NKAIN2: variants seen among roughly 807,000 people sequenced by gnomAD.
NKAIN2 encodes the protein sodium/potassium transporting ATPase interacting 2.
Under a neutral mutation model 32.6 loss-of-function variants are expected in NKAIN2, and 14 were observed. The ratio of observed to expected loss-of-function variants is 0.43; its 90% CI spans 0.28 to 0.67. NKAIN2 has a LOEUF of 0.67. NKAIN2 is among the 30% of genes least tolerant of loss of function. NKAIN2 has a pLI of 0.17. For synonymous variants in NKAIN2, 80 were observed against 87.2 expected, an observed-to-expected ratio of 0.92 and a Z score of 0.46; for missense variants, 198 against 258.3, an observed-to-expected ratio of 0.77 and a Z score of 1.60.
intron 3 of NKAIN2, among the ~76,000 whole-genome samples, chr6:124,583,863 C>T (rs1781612087): frequency 6.6e-6 from 1 of 152,070 alleles, no homozygotes; most frequent in South Asian, 2.1e-4. Context: ...ATTCATTTTC[C>T]ATAAAGGTGC....
chr6:124,280,317 A>G (rs1795232881), intron 1 of NKAIN2, among the ~76,000 whole-genome samples: 1 of 152,198 alleles, frequency 6.6e-6, no homozygotes, highest in Admixed American at 6.5e-5. Flanking sequence ...GATCAGAGAG[A>G]TTCTATGAAG....
chr6:123,997,699 G>A (rs955938572), intron 1 of NKAIN2, among the ~76,000 whole-genome samples: 13 of 147,772 alleles, frequency 8.8e-5, no homozygotes, highest in Non-Finnish European at 1.8e-4. Context: ...CGCCTTCCAG[G>A]TTCACACCAT....
chr6:123,928,364 C>G (rs1374780270), intron 1 of NKAIN2, among the ~76,000 whole-genome samples: 1 of 151,960 alleles, frequency 6.6e-6, no homozygotes, highest in Non-Finnish European at 1.5e-5. Flanking sequence ...TACAATATAC[C>G]CATTTGGTAA....
intron 1 of NKAIN2, among the ~76,000 whole-genome samples, chr6:124,075,093 T>C (rs1783632928): frequency 6.6e-6 from 1 of 152,166 alleles, no homozygotes; most frequent in Non-Finnish European, 1.5e-5. Context: ...TTGGGTTAAA[T>C]TGAGGCATGT....
intron 4 of NKAIN2, among the ~76,000 whole-genome samples, chr6:124,729,682 C>A (rs1776551056): frequency 6.6e-6 from 1 of 150,580 alleles, no homozygotes; most frequent in Admixed American, 6.6e-5. Context: ...CACTCCTATT[C>A]AACATAGTGT....
At chr6:124,639,373 T>A (rs1783900494) in intron 3 of NKAIN2, among the ~76,000 whole-genome samples, 1 of 151,856 alleles carries the variant, frequency 6.6e-6, no homozygotes, top group Admixed American at 6.6e-5. Context: ...AGGCTGGGAG[T>A]GCGATGGCTC....
intron 1 of NKAIN2, among the ~76,000 whole-genome samples, chr6:123,839,184 A>C (rs964029769): frequency 6.6e-6 from 1 of 151,868 alleles, no homozygotes; most frequent in African/African-American, 2.4e-5. Context: ...AGAAGGAAAA[A>C]GGATCTCGAA....
intron 1 of NKAIN2, among the ~76,000 whole-genome samples, chr6:124,281,102 T>C (rs1582982578): frequency 6.6e-6 from 1 of 152,186 alleles, no homozygotes; most frequent in Non-Finnish European, 1.5e-5. Flanking sequence ...TTTATTGAGA[T>C]ATTTCCCACT....
intron 1 of NKAIN2, among the ~76,000 whole-genome samples, chr6:123,927,719 A>G (rs1776065931): frequency 6.6e-6 from 1 of 152,222 alleles, no homozygotes; most frequent in Non-Finnish European, 1.5e-5. Context: ...TAGTTCTGCT[A>G]TTCTTGGATA....
At chr6:124,600,430 C>A (rs548565330) in intron 3 of NKAIN2, among the ~76,000 whole-genome samples, 1 of 152,118 alleles carries the variant, frequency 6.6e-6, no homozygotes, top group South Asian at 2.1e-4. Context: ...TGATTTATAT[C>A]GTATGAAACA....
chr6:124,416,822 T>G (rs1410138231), intron 3 of NKAIN2, among the ~76,000 whole-genome samples: 1 of 152,060 alleles, frequency 6.6e-6, no homozygotes. Flanking sequence ...AGTAGAGATC[T>G]AGTGGGGAGC....
chr6:124,404,180 G>T (rs1035656510), intron 3 of NKAIN2, among the ~76,000 whole-genome samples: 3 of 152,082 alleles, frequency 2.0e-5, no homozygotes, highest in Non-Finnish European at 4.4e-5. Context: ...GCCTGGGGGT[G>T]CTGCAAGTTT....
chr6:124,670,475 A>G (rs755640845), intron 4 of NKAIN2, among the ~76,000 whole-genome samples: 1 of 152,146 alleles, frequency 6.6e-6, no homozygotes, highest in Non-Finnish European at 1.5e-5. Context: ...AAATCTTCAC[A>G]TACAAATTAT....
chr6:123,811,921 A>AT (rs201243689), intron 1 of NKAIN2, among the ~76,000 whole-genome samples: 1 of 144,680 alleles, frequency 6.9e-6, no homozygotes, highest in East Asian at 3.0e-4. Context: ...TTAAGTATTC[A>AT]TTAAAATGAA....
chr6:124,253,400 T>G (rs1228927851), intron 1 of NKAIN2, among the ~76,000 whole-genome samples: 1 of 152,168 alleles, frequency 6.6e-6, no homozygotes, highest in African/African-American at 2.4e-5. Flanking sequence ...GGAAATCATG[T>G]CTTTTGCAAA....
intron 3 of NKAIN2, among the ~76,000 whole-genome samples, chr6:124,620,108 A>AGG (rs35017408): frequency 0.18 from 27,802 of 152,044 alleles, 2,602 homozygotes; most frequent in Middle Eastern, 0.24. Context: ...GACATAGAAC[A>AGG]GAAACAGATG....
chr6:123,950,660 T>C (rs931201453), intron 1 of NKAIN2, among the ~76,000 whole-genome samples: 3 of 151,908 alleles, frequency 2.0e-5, no homozygotes, highest in African/African-American at 7.2e-5. Context: ...TTTTCATTTC[T>C]GATTTTGTTT....
At chr6:124,651,387 T>A (rs1392748560) in intron 3 of NKAIN2, among the ~76,000 whole-genome samples, 1 of 152,210 alleles carries the variant, frequency 6.6e-6, no homozygotes, top group African/African-American at 2.4e-5. Flanking sequence ...CTCTCTGCAG[T>A]AGCCTCACTA....
intron 3 of NKAIN2, among the ~76,000 whole-genome samples, chr6:124,529,488 A>G (rs572268583): frequency 6.6e-6 from 1 of 152,290 alleles, no homozygotes; most frequent in East Asian, 1.9e-4. Flanking sequence ...CTAGAGTTAT[A>G]TTTCATTTCC....
Sources: allele counts gnomAD v4.1 joint callset (sites outside exome capture counted in the v4.1 genomes callset), GRCh38; gene constraint gnomAD v4.1.1; transcripts MANE v1.5; gene names NCBI Gene and HGNC (gene_info 2026-07-23, HGNC 2026-07-21).